SPATA6L: variants seen among roughly 807,000 people sequenced by gnomAD.
SPATA6L encodes spermatogenesis associated 6-like protein.
Under a neutral mutation model 49.2 loss-of-function variants are expected in SPATA6L, and 68 were observed. That is an observed-to-expected ratio of 1.38 (90% CI 1.14 to 1.69). SPATA6L has a LOEUF of 1.69. Among genes scored for constraint, SPATA6L ranks in the 40% most tolerant of loss-of-function variants. The pLI is 0.00. For missense variants in SPATA6L, 668 were observed against 464.3 expected (o/e 1.44, Z -4.03); for synonymous variants, 198 against 165.7 (o/e 1.19, Z -1.50).
rs576630015 is a variant in SPATA6L, at chr9:4,630,530, G to A, written c.352-1362C>T. 7.9e-5 allele frequency among the ~76,000 whole-genome samples: 12 copies of A among 152,174 alleles called. No individual in the cohort carries two copies. The East Asian group carries it at 1.9e-3, about 24-fold the overall frequency. On this transcript the variant is annotated intron_variant, in intron 4 of 11. Coordinates refer to ENST00000682582, the MANE Select transcript of SPATA6L (RefSeq NM_001353486.2). ...CTGGCCAAGTTACTTCTTGCCCTGA[G>A]GGCATCTTCCTTCTTTTCTTTTCCA...
chr9:4,641,658 T>G (rs1200332864), intron 3 of SPATA6L, among the ~76,000 whole-genome samples: 1 of 152,196 alleles, frequency 6.6e-6, no homozygotes, highest in African/African-American at 2.4e-5. Flanking sequence ...AACTTGACAA[T>G]CAGAAGGTCC....
chr9:4,644,071 G>C (rs1002064059), intron 3 of SPATA6L, among the ~76,000 whole-genome samples: 2 of 151,484 alleles, frequency 1.3e-5, no homozygotes, highest in African/African-American at 4.9e-5. Flanking sequence ...CATAGGCAAG[G>C]CATGGTGGCT....
At chr9:4,656,810 C>T (rs1281883223) in intron 2 of SPATA6L, among the ~76,000 whole-genome samples, 2 of 152,194 alleles carry the variant, frequency 1.3e-5, no homozygotes, top group Non-Finnish European at 2.9e-5. Flanking sequence ...CTGTATACAA[C>T]AGATACTCAT....
At chr9:4,637,456 C>T (rs1473161221) in intron 3 of SPATA6L, among the ~76,000 whole-genome samples, 1 of 152,186 alleles carries the variant, frequency 6.6e-6, no homozygotes, top group African/African-American at 2.4e-5. Flanking sequence ...TCGTGATCTG[C>T]TTCCATCAAG....
intron 9 of SPATA6L, among the ~76,000 whole-genome samples, chr9:4,615,602 G>C (rs772723627): frequency 6.6e-6 from 1 of 152,208 alleles, no homozygotes; most frequent in Non-Finnish European, 1.5e-5. Context: ...TCTCTCTCCT[G>C]ATGTAACTGA....
At chr9:4,611,894 C>T (rs149541589) in intron 9 of SPATA6L, among the ~76,000 whole-genome samples, 7 of 152,210 alleles carry the variant, frequency 4.6e-5, no homozygotes, top group African/African-American at 7.2e-5. Context: ...CCCAGGCTAA[C>T]GTACAACTGC....
intron 4 of SPATA6L, among the ~76,000 whole-genome samples, chr9:4,633,971 A>G (rs1046456324): frequency 6.6e-6 from 1 of 152,240 alleles, no homozygotes; most frequent in Non-Finnish European, 1.5e-5. Context: ...ACACATTTAA[A>G]AAACCCTTTC....
chr9:4,635,412 T>C lies in SPATA6L; in HGVS notation c.227-13A>G, dbSNP rs780376861. Reference sequence around the variant, plus strand: ...AACTCATCCCACACTAGAAAGAAAATAGAAAAAGCATAAATATCTGTATTT... The same window carrying C: ...AACTCATCCCACACTAGAAAGAAAACAGAAAAAGCATAAATATCTGTATTT... On this transcript the variant is annotated splice_polypyrimidine_tract_variant and intron_variant, in intron 3 of 11. Transcript: ENST00000682582. 2 of 1,569,864 alleles carry C rather than the reference T, an allele frequency of 1.3e-6. No homozygotes were observed. The highest frequency in any genetic ancestry group is 1.4e-5 in the African/African-American group (1 of 71,370).
intron 13 of SPATA6L, among the ~76,000 whole-genome samples, chr9:4,589,212 A>C (rs1315835433): frequency 6.6e-6 from 1 of 152,250 alleles, no homozygotes; most frequent in Non-Finnish European, 1.5e-5. Flanking sequence ...CAATGAGAAA[A>C]TGCATGTGAT....
intron 3 of SPATA6L, among the ~76,000 whole-genome samples, chr9:4,648,721 A>AATAAATAAATAAATAC: frequency 8.3e-6 from 1 of 120,314 alleles, no homozygotes; most frequent in African/African-American, 3.1e-5. Flanking sequence ...AAATTAAATA[A>AATAAATAAATAAATAC]ATAAATACAT....
At chr9:4,637,991 CATT>C (rs966857735) in intron 3 of SPATA6L, among the ~76,000 whole-genome samples, 2 of 152,160 alleles carry the variant, frequency 1.3e-5, no homozygotes, top group African/African-American at 4.8e-5. Context: ...ACACTTCATT[CATT>C]GAGAACCTCC....
At position 4,598,690 on chromosome 9, in the gene SPATA6L, A is replaced by C. The variant is rs964684391; in HGVS notation, c.*2121T>G. ...TAACAATAACTGAAATGGGATACCA[A>C]TTCATTAGTGCTGCTTTCCTTTAGC... On this transcript the variant is annotated 3_prime_UTR_variant, in exon 12 of 12. Transcript: ENST00000682582. Among the ~76,000 whole-genome samples the C allele has an allele frequency of 6.6e-6, 1 of 152,216 alleles. No homozygotes were observed. The highest frequency in any genetic ancestry group is 1.9e-4 in the East Asian group (1 of 5,202).
intron 11 of SPATA6L, among the ~76,000 whole-genome samples, chr9:4,602,187 G>A (rs1823490469): frequency 6.6e-6 from 1 of 150,510 alleles, no homozygotes; most frequent in African/African-American, 2.5e-5. Context: ...CCACATCAAT[G>A]TCCACATATC....
intron 13 of SPATA6L, among the ~76,000 whole-genome samples, chr9:4,590,427 G>C (rs1448791167): frequency 6.6e-6 from 1 of 152,180 alleles, no homozygotes; most frequent in Non-Finnish European, 1.5e-5. Flanking sequence ...CCACTGTCAT[G>C]TGTGATTTGG....
chr9:4,626,410 C>T, intron 5 of SPATA6L: 1 of 1,302,948 alleles, frequency 7.7e-7, no homozygotes, highest in Non-Finnish European at 1.0e-6. Context: ...TGAGTTCCAG[C>T]TCATCCAAGT....
intron 3 of SPATA6L, among the ~76,000 whole-genome samples, chr9:4,636,826 C>T (rs1832900811): frequency 6.6e-6 from 1 of 152,156 alleles, no homozygotes; most frequent in African/African-American, 2.4e-5. Context: ...AGCATTTCTT[C>T]CCACTCGTGT....
intron 13 of SPATA6L, among the ~76,000 whole-genome samples, chr9:4,590,468 T>A (rs1285430902): frequency 1.3e-5 from 2 of 152,184 alleles, no homozygotes; most frequent in African/African-American, 4.8e-5. Flanking sequence ...GGGTGACACT[T>A]ATGGTTTCAT....
intron 9 of SPATA6L, among the ~76,000 whole-genome samples, chr9:4,609,652 A>G (rs1826182271): frequency 6.6e-6 from 1 of 151,504 alleles, no homozygotes. Flanking sequence ...ATTTCAAAAT[A>G]ATAAGAGCTA....
chr9:4,605,314 G>A (rs542304714), intron 10 of SPATA6L, 33 bp downstream of exon 10: 2 of 1,530,544 alleles, frequency 1.3e-6, no homozygotes, highest in East Asian at 2.2e-5. Flanking sequence ...ATTATTTAGT[G>A]AGCAAAGATC....
Sources: allele counts gnomAD v4.1 joint callset (sites outside exome capture counted in the v4.1 genomes callset), GRCh38; gene constraint gnomAD v4.1.1; transcripts MANE v1.5; gene names NCBI Gene and HGNC (gene_info 2026-07-23, HGNC 2026-07-21).